The following GMPR variants were observed in gnomAD, a reference collection of about 807,000 sequenced individuals.
The protein encoded by GMPR is GMP reductase 1.
GMPR carries 31 observed loss-of-function variants against 38.4 expected under a neutral mutation model. That is an observed-to-expected ratio of 0.81 (90% CI 0.61 to 1.09). GMPR has a LOEUF of 1.09. Among genes scored for constraint, GMPR ranks in the 50% least tolerant of loss-of-function variants. The pLI is 0.00. For missense variants in GMPR, 468 were observed against 453.7 expected, an observed-to-expected ratio of 1.03 and a Z score of -0.29; for synonymous variants, 162 against 173.3, an observed-to-expected ratio of 0.93 and a Z score of 0.51.
At position 16,243,725 on chromosome 6, in the gene GMPR, C is replaced by T. The variant is rs143970930; in HGVS notation, c.88-3117C>T. ...CCACGTCTGCCCCCCAAATTGCATC[C>T]CTCCTCACTGGGCAGGGCCTGTGGG... On this transcript the variant is annotated intron_variant, in intron 1 of 8. Transcript: ENST00000259727. Among the ~76,000 whole-genome samples, 896 of 152,228 alleles carry T rather than the reference C, an allele frequency of 5.9e-3. 13 individuals carry two copies. The highest frequency in any genetic ancestry group is 0.02 in the African/African-American group (847 of 41,552).
chr6:16,294,756 T>C (rs1328888187), intron 8 of GMPR, among the ~76,000 whole-genome samples: 1 of 152,188 alleles, frequency 6.6e-6, no homozygotes, highest in Non-Finnish European at 1.5e-5. Flanking sequence ...CACCAGGACT[T>C]TCCTCTCCGC....
At chr6:16,256,551 AG>A (rs1273074555) in intron 4 of GMPR, among the ~76,000 whole-genome samples, 7 of 150,192 alleles carry the variant, frequency 4.7e-5, no homozygotes, top group African/African-American at 1.5e-4. Context: ...AAAAAAAAAA[AG>A]AGTTGTTCCA....
chr6:16,262,137 T>A (rs375733642), intron 4 of GMPR: 9 of 150,672 alleles, frequency 6.0e-5, no homozygotes, highest in Middle Eastern at 3.4e-3. Context: ...CAATGTGGAG[T>A]GGGTAGCCTC....
In GMPR at chr6:16,283,391, G is replaced by C. The variant is rs575955001; in HGVS notation, c.655-2402G>C. On this transcript the variant is annotated intron_variant, in intron 6 of 8. Transcript: ENST00000259727. ...TACACTGCTTCCCGAGAACATGAAA[G>C]GACACTTTGAACACTTTTGGAAATA... Among the ~76,000 whole-genome samples the C allele has an allele frequency of 2.0e-5, 3 of 152,248 alleles. No individual in the cohort carries two copies. In the East Asian group the frequency reaches 5.8e-4, roughly 29 times the overall value.
chr6:16,245,242 G>C (rs1581645107), intron 1 of GMPR, among the ~76,000 whole-genome samples: 1 of 152,188 alleles, frequency 6.6e-6, no homozygotes, highest in African/African-American at 2.4e-5. Context: ...TGCACTTCCA[G>C]CATCTCATTT....
chr6:16,250,198 T>C (rs1212017570), intron 2 of GMPR, 86 bp from the exon 3 acceptor site: 6 of 794,624 alleles, frequency 7.6e-6, no homozygotes, highest in Non-Finnish European at 1.1e-5. Flanking sequence ...GATGCCTTTG[T>C]CTTGTTGGAT....
chr6:16,283,363 A>G (rs555985819), intron 6 of GMPR, among the ~76,000 whole-genome samples: 1 of 152,314 alleles, frequency 6.6e-6, no homozygotes, highest in Admixed American at 6.5e-5. Flanking sequence ...TGATTGCTGG[A>G]GCTACACTGC....
At position 16,281,671 on chromosome 6, in the gene GMPR, A is replaced by ATTT. The variant is rs3071344; in HGVS notation, c.654+2789_654+2791dup. 7.5e-5 allele frequency among the ~76,000 whole-genome samples: 11 copies of ATTT among 147,412 alleles called. No homozygotes were observed. The South Asian group carries it at 1.3e-3, about 17-fold the overall frequency. ...AGGCACGCGCCACCACGCTCAGCCC[A>ATTT]TTTTTTTTTTGTATTTTTAGTAGAG... On this transcript the variant is annotated intron_variant, in intron 6 of 8. Transcript: ENST00000259727.
At chr6:16,279,575 T>C (rs1196729391) in intron 6 of GMPR, among the ~76,000 whole-genome samples, 1 of 152,192 alleles carries the variant, frequency 6.6e-6, no homozygotes, top group Non-Finnish European at 1.5e-5. Flanking sequence ...ACGTATCCCA[T>C]ATTCAGGGTC....
chr6:16,286,533 C>T (rs1382802958), intron 7 of GMPR, among the ~76,000 whole-genome samples: 1 of 150,670 alleles, frequency 6.6e-6, no homozygotes, highest in Non-Finnish European at 1.5e-5. Flanking sequence ...TGCCTCCGCC[C>T]TTTGCTGATG....
intron 6 of GMPR, among the ~76,000 whole-genome samples, chr6:16,281,533 T>C (rs762497374): frequency 6.6e-6 from 1 of 152,098 alleles, no homozygotes; most frequent in Non-Finnish European, 1.5e-5. Context: ...TGAGATGGAG[T>C]CTTGCTGTAT....
chr6:16,271,785 C>T (rs1200197819), intron 4 of GMPR, among the ~76,000 whole-genome samples: 1 of 152,188 alleles, frequency 6.6e-6, no homozygotes, highest in Non-Finnish European at 1.5e-5. Context: ...ATCTCTTCAC[C>T]TAGACATCAT....
chr6:16,271,427 G>C (rs574233347), intron 4 of GMPR, among the ~76,000 whole-genome samples: 1 of 152,180 alleles, frequency 6.6e-6, no homozygotes, highest in Non-Finnish European at 1.5e-5. Context: ...TTCAGGCTGC[G>C]GCGAGCCATG....
intron 3 of GMPR, among the ~76,000 whole-genome samples, chr6:16,250,820 T>C (rs1348381875): frequency 6.6e-6 from 1 of 151,852 alleles, no homozygotes; most frequent in Admixed American, 6.6e-5. Flanking sequence ...GGTGGGAGGA[T>C]TGCTTGAACC....
At chr6:16,284,571 T>C (rs1455821762) in intron 6 of GMPR, among the ~76,000 whole-genome samples, 3 of 152,164 alleles carry the variant, frequency 2.0e-5, no homozygotes, top group Non-Finnish European at 4.4e-5. Flanking sequence ...ACTGTTGCTG[T>C]CTCCCCTTGC....
At chr6:16,251,522 A>G (rs1758875735) in intron 3 of GMPR, among the ~76,000 whole-genome samples, 1 of 152,232 alleles carries the variant, frequency 6.6e-6, no homozygotes, top group African/African-American at 2.4e-5. Context: ...GTTAGCCACG[A>G]TTGTGCCATT....
At position 16,295,199 on chromosome 6, in the gene GMPR, AGC is replaced by A; in HGVS notation, c.*14_*15del. On this transcript the variant is annotated 3_prime_UTR_variant, in exon 9 of 9. Coordinates refer to ENST00000259727, the MANE Select transcript of GMPR (RefSeq NM_006877.4). ...CGTGTTCAGCTAACCCTGGGGACAA[AGC>A]AGCGTCTGGCTCGAGTGGAAGCGTC... The A allele has an allele frequency of 6.7e-7, 1 of 1,493,480 alleles. No individual in the cohort carries two copies. Among genetic ancestry groups the A allele is most frequent in the African/African-American group, 1.4e-5 (1 of 68,978 alleles). The allele number at this position is 1,493,480 out of a possible 1,614,324, so 92.5% of individuals were successfully genotyped here. A position where few individuals can be genotyped will look rare whatever the true frequency, so the allele number is the denominator to read the frequency against.
rs539691743 is a variant in GMPR, at chr6:16,255,661, A to C, written c.465+926A>C. Among the ~76,000 whole-genome samples, 5 of 152,338 alleles carry C rather than the reference A, an allele frequency of 3.3e-5. No individual in the cohort carries two copies. The South Asian group carries it at 1.0e-3, about 32-fold the overall frequency. On this transcript the variant is annotated intron_variant, in intron 4 of 8. Transcript: ENST00000259727. ...AGGGACTTAGCAGCTCTAGAGTACA[A>C]CTTGGGCTTTTGCAAAAACCTGTAT...
chr6:16,266,576 G>A (rs1379162066), intron 4 of GMPR, among the ~76,000 whole-genome samples: 2 of 151,572 alleles, frequency 1.3e-5, no homozygotes, highest in African/African-American at 4.8e-5. Context: ...GCCGAGATGG[G>A]TGGATCACCA....
Sources: gnomAD v4.1 joint callset for allele counts (sites outside exome capture counted in the v4.1 genomes callset) on GRCh38, gnomAD v4.1.1 for gene constraint, MANE v1.5 for transcripts, NCBI Gene and HGNC (gene_info 2026-07-23, HGNC 2026-07-21) for gene names.